The following SMIM27 variants were observed in gnomAD, a reference collection of about 807,000 sequenced individuals.
The protein encoded by SMIM27 is transition zone microprotein 1, also known as TOPORS antisense RNA 1 (non-protein coding).
A neutral mutation model predicts 1.8 loss-of-function variants in SMIM27; 3 were observed. The observed-to-expected ratio is 1.65, with a 90% CI of 0.75 to 4.28. The LOEUF is 4.28. Among genes scored for constraint, SMIM27 ranks in the 30% most tolerant of loss-of-function variants. The probability of loss-of-function intolerance (pLI) is 0.02; values close to 1 mark genes in which losing one functional copy is unlikely to be tolerated. For missense variants in SMIM27, 63 were observed against 37.0 expected, an observed-to-expected ratio of 1.70 and a Z score of -1.83; for synonymous variants, 19 against 13.9, an observed-to-expected ratio of 1.37 and a Z score of -0.82.
rs138669672 is a variant in SMIM27, at chr9:32,565,969, C to T, written c.46-422C>T. Among the ~76,000 whole-genome samples, 808 of 151,826 alleles carry T rather than the reference C, an allele frequency of 5.3e-3. 5 individuals are homozygous for T. Among genetic ancestry groups the T allele is most frequent in the African/African-American group, 0.019 (769 of 41,394 alleles). ...CCTGGGCAACGAAAGTGAAACTCCA[C>T]CTACAAAAAACAAACAAACAAACAA... On this transcript the variant is annotated intron_variant, in intron 1 of 1. Transcript: ENST00000451672.
At chr9:32,565,110 T>A (rs1409032718) in intron 1 of SMIM27, among the ~76,000 whole-genome samples, 1 of 152,040 alleles carries the variant, frequency 6.6e-6, no homozygotes, top group Non-Finnish European at 1.5e-5. Context: ...CTGGCCAACA[T>A]GGCAAAACCT....
At chr9:32,559,068 G>A (rs1482267462) in intron 1 of SMIM27, 2 of 628,172 alleles carry the variant, frequency 3.2e-6, no homozygotes, top group African/African-American at 3.7e-5. Context: ...CAGAACTCCA[G>A]ATTCACATAT....
chr9:32,552,645 T>A lies in SMIM27; in HGVS notation c.46-156T>A, dbSNP rs1217277522. ...TTCCTGGAGGATACGATCTTCCGCTTCTTACGTAAGGGCTGCTGGGTGTAC... is the reference window on the plus strand; with the variant it reads ...TTCCTGGAGGATACGATCTTCCGCTACTTACGTAAGGGCTGCTGGGTGTAC... On this transcript the variant is annotated intron_variant, in intron 1 of 1. Coordinates refer to ENST00000692500, the MANE Select transcript of SMIM27 (RefSeq NM_001387564.1). The A allele has an allele frequency of 5.9e-6, 4 of 682,198 alleles. No homozygotes were observed. The East Asian group carries it at 1.1e-4, about 18-fold the overall frequency. The allele number at this position is 682,198 out of a possible 1,614,324, so 42.3% of individuals were successfully genotyped here.
chr9:32,565,009 C>CAAAAAA (rs1821740486), intron 1 of SMIM27, among the ~76,000 whole-genome samples: 1 of 152,152 alleles, frequency 6.6e-6, no homozygotes. Flanking sequence ...AACAATTCAG[C>CAAAAAA]AGGCCAGGTG....
Position 32,552,555 on chromosome 9 carries a change from C to T in SMIM27, c.45+76C>T. 3.0e-6 allele frequency: 4 copies of T among 1,319,166 alleles called. No homozygotes were observed. In the South Asian group the frequency reaches 5.0e-5, roughly 17 times the overall value. The allele number at this position is 1,319,166 out of a possible 1,614,324, so 81.7% of individuals were successfully genotyped here. A position where few individuals can be genotyped will look rare whatever the true frequency, so the allele number is the denominator to read the frequency against. ...AGGCGGAAAGGCCCTATTTCTTCAG[C>T]ACCCAGAAACTCCAAAATCCATTCC... On this transcript the variant is annotated intron_variant, in intron 1 of 1. Transcript: ENST00000692500.
chr9:32,558,901 A>T, intron 1 of SMIM27: 1 of 1,550,256 alleles, frequency 6.5e-7, no homozygotes, highest in Admixed American at 1.7e-5. Flanking sequence ...CAGAAGTGTT[A>T]AGACTTACAG....
chr9:32,562,252 T>C (rs1360544004), intron 1 of SMIM27, among the ~76,000 whole-genome samples: 3 of 152,258 alleles, frequency 2.0e-5, no homozygotes, highest in Non-Finnish European at 4.4e-5. Flanking sequence ...GTCAGGAATT[T>C]GGTCTTGTAT....
At chr9:32,558,928 C>A in intron 1 of SMIM27, 4 of 1,584,738 alleles carry the variant, frequency 2.5e-6, no homozygotes, top group Non-Finnish European at 3.5e-6. Context: ...TTCTGGACTT[C>A]TTTTCAACTA....
At chr9:32,558,732 C>T (rs747931838) in intron 1 of SMIM27, among the ~76,000 whole-genome samples, 7 of 151,570 alleles carry the variant, frequency 4.6e-5, no homozygotes, top group Non-Finnish European at 7.3e-5. Context: ...TGTTACCTCA[C>T]GGTATTTCTT....
At chr9:32,552,217 A>G, upstream of SMIM27, 3 of 597,108 alleles carry the variant, frequency 5.0e-6, no homozygotes, top group South Asian at 1.9e-5. Flanking sequence ...TTTCTCGTTT[A>G]TTCCCCTCTC....
chr9:32,553,066 T>TA (rs1325261690), downstream of SMIM27: 7 of 520,886 alleles, frequency 1.3e-5, no homozygotes, highest in South Asian at 1.1e-4. Flanking sequence ...ATTTTTCACT[T>TA]AGAGATTTTA....
chr9:32,552,071 T>C (rs1821283109), upstream of SMIM27, among the ~76,000 whole-genome samples: 1 of 149,736 alleles, frequency 6.7e-6, no homozygotes, highest in African/African-American at 2.5e-5. Flanking sequence ...GGATTGTTTT[T>C]CAAATTAACT....
Position 32,559,026 on chromosome 9 carries a change from C to A in SMIM27, c.45+6547C>A, listed in dbSNP as rs897267702. On this transcript the variant is annotated intron_variant, in intron 1 of 1. Transcript: ENST00000451672. ...TTCTGAAAATAAGAAATAGGTCATA[C>A]CCCAAATTTTAACTTAAGCTCCAAA... The A allele has an allele frequency of 4.6e-6, 5 of 1,093,972 alleles. No individual in the cohort carries two copies. In the Admixed American group the frequency reaches 6.4e-5, roughly 14 times the overall value. 67.8% of individuals were successfully genotyped at this position (1,093,972 alleles called of 1,614,324 possible).
At chr9:32,566,070 CAAA>C (rs60006624) in intron 1 of SMIM27, 754 of 338,146 alleles carry the variant, frequency 2.2e-3, no homozygotes, top group South Asian at 3.7e-3. Flanking sequence ...CTGGAGTGAC[CAAA>C]AAAAAAAAAA....
chr9:32,562,254 G>A lies in SMIM27; in HGVS notation c.46-4137G>A, dbSNP rs1821647174. Among the ~76,000 whole-genome samples, 3 of 152,254 alleles carry A rather than the reference G, an allele frequency of 2.0e-5. No individual in the cohort carries two copies. In the South Asian group the frequency reaches 6.2e-4, roughly 32 times the overall value. ...TAAAGTCTTTGAGGTCAGGAATTTG[G>A]TCTTGTATATTCTTTCTATAGCAAT... is the stretch of plus-strand genomic sequence containing the variant. On this transcript the variant is annotated intron_variant, in intron 1 of 1. Coordinates refer to the SMIM27 transcript ENST00000451672.
upstream of SMIM27, chr9:32,552,112 C>T (rs1398109831): frequency 1.5e-5 from 8 of 549,742 alleles, no homozygotes; most frequent in Admixed American, 2.6e-4. Flanking sequence ...CCTTATCCTG[C>T]ATTAATATTG....
chr9:32,554,645 GC>G (rs1821406086), downstream of SMIM27, among the ~76,000 whole-genome samples: 1 of 152,170 alleles, frequency 6.6e-6, no homozygotes, highest in African/African-American at 2.4e-5. Flanking sequence ...ACCTGGTACT[GC>G]TCAGGATTAT....
chr9:32,565,852 A>G (rs1296844433), intron 1 of SMIM27, among the ~76,000 whole-genome samples: 1 of 152,108 alleles, frequency 6.6e-6, no homozygotes, highest in Non-Finnish European at 1.5e-5. Context: ...CATACCTGTA[A>G]TCCTAGCTAC....
At chr9:32,551,168 G>A (rs1821247032), upstream of SMIM27, 2 of 659,116 alleles carry the variant, frequency 3.0e-6, no homozygotes, top group East Asian at 2.7e-5. Flanking sequence ...CCCCGGAGGA[G>A]GGCAGCGCGA....
Sources: gnomAD v4.1 joint callset for allele counts (sites outside exome capture counted in the v4.1 genomes callset) on GRCh38, gnomAD v4.1.1 for gene constraint, MANE v1.5 for transcripts, NCBI Gene and HGNC (gene_info 2026-07-23, HGNC 2026-07-21) for gene names.